CHSY3: variants seen among roughly 807,000 people sequenced by gnomAD.
The protein encoded by CHSY3 is chondroitin sulfate synthase 3, also known as N-acetylgalactosaminyl-proteoglycan 3-beta-glucuronosyltransferase 3.
A neutral mutation model predicts 67.2 loss-of-function variants in CHSY3; 35 were observed. The ratio of observed to expected loss-of-function variants is 0.52; its 90% confidence interval spans 0.40 to 0.69. CHSY3 has a LOEUF of 0.69. Ranked by LOEUF, CHSY3 falls within the 30% of genes least tolerant of loss-of-function variation. The probability of loss-of-function intolerance (pLI) is 0.00; values close to 1 mark genes in which losing one functional copy is unlikely to be tolerated. For synonymous variants in CHSY3, 474 were observed against 434.7 expected (o/e 1.09, Z -1.12); for missense variants, 1,069 against 1,138.5 (o/e 0.94, Z 0.88).
At chr5:129,909,566 A>C (rs1470690707) in intron 2 of CHSY3, among the ~76,000 whole-genome samples, 1 of 152,058 alleles carries the variant, frequency 6.6e-6, no homozygotes, top group African/African-American at 2.4e-5. Flanking sequence ...TGAAAATTTG[A>C]AATGATTATG....
chr5:130,184,187 T>C, intron 2 of CHSY3, 42 bp from the exon 3 acceptor site: 1 of 1,406,342 alleles, frequency 7.1e-7, no homozygotes, highest in South Asian at 2.0e-5. Context: ...TTTAGATAAA[T>C]CTTTTAAAAT....
At chr5:130,088,925 A>C (rs995066142) in intron 2 of CHSY3, among the ~76,000 whole-genome samples, 1 of 152,070 alleles carries the variant, frequency 6.6e-6, no homozygotes, top group African/African-American at 2.4e-5. Flanking sequence ...ACGCACACGT[A>C]TGTTTATTGC....
chr5:130,104,296 G>A (rs1024240285), intron 2 of CHSY3, among the ~76,000 whole-genome samples: 5 of 151,882 alleles, frequency 3.3e-5, no homozygotes, highest in African/African-American at 1.2e-4. Context: ...GCACATCTCA[G>A]CCGTGATGTT....
At chr5:130,082,875 T>C (rs922474538) in intron 2 of CHSY3, among the ~76,000 whole-genome samples, 18 of 151,660 alleles carry the variant, frequency 1.2e-4, no homozygotes, top group African/African-American at 1.5e-4. Flanking sequence ...TATACATATA[T>C]ATGTATATAC....
intron 2 of CHSY3, among the ~76,000 whole-genome samples, chr5:129,964,599 C>T (rs920262738): frequency 2.0e-5 from 3 of 151,652 alleles, no homozygotes; most frequent in Middle Eastern, 3.2e-3. Flanking sequence ...AGTCCTATCT[C>T]GTCTTATTTT....
intron 2 of CHSY3, among the ~76,000 whole-genome samples, chr5:129,993,795 C>T (rs537839018): frequency 8.9e-4 from 135 of 151,812 alleles, no homozygotes; most frequent in Middle Eastern, 3.4e-3. Context: ...GATGCAGTTT[C>T]TTCCTAGCCT....
chr5:130,184,904 A>C lies in CHSY3; in HGVS notation c.1762A>C (p.Asn588His). 1 of 1,539,352 alleles carries C rather than the reference A, an allele frequency of 6.5e-7. No homozygotes were observed. Among genetic ancestry groups the C allele is most frequent in the South Asian group, 1.1e-5 (1 of 89,612 alleles). ...LDVNSLVESINSETQSFSFIS... is the reference protein window; with the variant it reads ...LDVNSLVESIHSETQSFSFIS... ...TGTCAACAGTCTTGTGGAGAGTATT[A>C]ACAGTGAAACTCAGTCATTCTCCTT... Residue 588 changes from asparagine (N) to histidine (H), a missense_variant, in exon 3 of 3, where the codon AAC becomes CAC. Coordinates refer to ENST00000305031, the MANE Select transcript of CHSY3 (RefSeq NM_175856.5).
At chr5:130,020,481 C>T (rs1421968744) in intron 2 of CHSY3, among the ~76,000 whole-genome samples, 12 of 87,128 alleles carry the variant, frequency 1.4e-4, no homozygotes, top group Admixed American at 4.5e-4. Context: ...TTTTTTTTTC[C>T]TCTGGCTCCT....
intron 2 of CHSY3, among the ~76,000 whole-genome samples, chr5:130,005,395 C>G (rs1763846708): frequency 6.6e-6 from 1 of 150,690 alleles, no homozygotes; most frequent in African/African-American, 2.5e-5. Context: ...AGCCTGGTGA[C>G]AGAGTGAGAC....
chr5:129,939,500 A>T (rs2089388434), intron 2 of CHSY3, among the ~76,000 whole-genome samples: 1 of 152,184 alleles, frequency 6.6e-6, no homozygotes, highest in Non-Finnish European at 1.5e-5. Flanking sequence ...TTCAAGTGCC[A>T]TTTCACATAG....
chr5:130,052,295 A>G (rs1765387752), intron 2 of CHSY3: 1 of 152,232 alleles, frequency 6.6e-6, no homozygotes. Flanking sequence ...TGGTGCAGTC[A>G]TAACTCCTGG....
chr5:129,942,930 A>G (rs989670940), intron 2 of CHSY3, among the ~76,000 whole-genome samples: 2 of 152,092 alleles, frequency 1.3e-5, no homozygotes, highest in African/African-American at 2.4e-5. Flanking sequence ...TCTTCTTTAG[A>G]GTGTTTTCTT....
intron 2 of CHSY3, among the ~76,000 whole-genome samples, chr5:130,005,007 A>G (rs1191370998): frequency 6.6e-6 from 1 of 152,194 alleles, no homozygotes; most frequent in African/African-American, 2.4e-5. Flanking sequence ...TTAAAAGTAT[A>G]TCATTTGAGG....
intron 2 of CHSY3, among the ~76,000 whole-genome samples, chr5:130,000,451 T>G (rs944589332): frequency 6.6e-6 from 1 of 152,230 alleles, no homozygotes; most frequent in African/African-American, 2.4e-5. Context: ...GAAAAGATTC[T>G]TCTAACATGG....
At chr5:130,090,011 C>T in intron 2 of CHSY3, among the ~76,000 whole-genome samples, 1 of 152,182 alleles carries the variant, frequency 6.6e-6, no homozygotes, top group African/African-American at 2.4e-5. Flanking sequence ...TTTCACATTT[C>T]CTTCTTTCCT....
At chr5:130,020,450 TATATA>T (rs1360704316) in intron 2 of CHSY3, among the ~76,000 whole-genome samples, 11 of 4,156 alleles carry the variant, frequency 2.6e-3, no homozygotes, top group African/African-American at 6.7e-3. Flanking sequence ...TATATATATA[TATATA>T]TATATATTTT....
chr5:129,951,004 A>G (rs919909089), intron 2 of CHSY3, among the ~76,000 whole-genome samples: 4 of 152,222 alleles, frequency 2.6e-5, no homozygotes, highest in African/African-American at 9.6e-5. Context: ...TTACACAGCT[A>G]TAGTACTCAA....
chr5:129,918,973 G>A lies in CHSY3; in HGVS notation c.1086+10613G>A, dbSNP rs896241810. Among the ~76,000 whole-genome samples, 50 of 148,932 alleles carry A rather than the reference G, an allele frequency of 3.4e-4. 1 individual carries two copies. Among genetic ancestry groups the A allele is most frequent in the Admixed American group, 2.9e-3 (44 of 15,010 alleles). ...ATACAAAAAATTAGCCGGGCGCGGT[G>A]GCGGGCGCCTGTAGTCCCAGCTACT... is the stretch of plus-strand genomic sequence containing the variant. On this transcript the variant is annotated intron_variant, in intron 2 of 2. Coordinates refer to ENST00000305031, the MANE Select transcript of CHSY3 (RefSeq NM_175856.5).
At position 129,965,941 on chromosome 5, in the gene CHSY3, C is replaced by T. The variant is rs527806436; in HGVS notation, c.1086+57581C>T. Among the ~76,000 whole-genome samples the T allele has an allele frequency of 8.2e-4, 125 of 151,938 alleles. 1 individual carries two copies. Among genetic ancestry groups the T allele is most frequent in the Non-Finnish European group, 2.7e-4 (18 of 67,870 alleles). On this transcript the variant is annotated intron_variant, in intron 2 of 2. Transcript: ENST00000305031. Reference sequence around the variant, plus strand: ...TTACATGAGGAGTAGTTGACTAACTCGTCTCATACTCCACAGATTCTGGGT... The same window carrying T: ...TTACATGAGGAGTAGTTGACTAACTTGTCTCATACTCCACAGATTCTGGGT...
Sources: allele counts gnomAD v4.1 joint callset (sites outside exome capture counted in the v4.1 genomes callset), GRCh38; gene constraint gnomAD v4.1.1; transcripts MANE v1.5; gene names NCBI Gene and HGNC (gene_info 2026-07-23, HGNC 2026-07-21).